SNX24: variants seen among roughly 807,000 people sequenced by gnomAD.
The protein encoded by SNX24 is sorting nexin-24.
A neutral mutation model predicts 28.7 loss-of-function variants in SNX24; 22 were observed. The ratio of observed to expected loss-of-function variants is 0.77; its 90% CI spans 0.55 to 1.10. SNX24 has a LOEUF of 1.10. Among genes scored for constraint, SNX24 ranks in the 50% least tolerant of loss-of-function variants. SNX24 has a pLI of 0.00. For synonymous variants in SNX24, 69 were observed against 71.5 expected, an observed-to-expected ratio of 0.96 and a Z score of 0.18; for missense variants, 221 against 201.1, an observed-to-expected ratio of 1.10 and a Z score of -0.60.
intron 5 of SNX24, among the ~76,000 whole-genome samples, chr5:123,020,042 T>A (rs1762740553): frequency 6.6e-6 from 1 of 152,206 alleles, no homozygotes; most frequent in Non-Finnish European, 1.5e-5. Flanking sequence ...TTTTGCCTTG[T>A]TACTAGAGAG....
intron 5 of SNX24, among the ~76,000 whole-genome samples, chr5:123,014,457 T>C (rs1762647426): frequency 6.7e-6 from 1 of 150,024 alleles, no homozygotes; most frequent in South Asian, 2.1e-4. Flanking sequence ...GCTGGGATTA[T>C]AGTTGTGCGG....
chr5:122,957,278 T>C (rs1760254651), intron 3 of SNX24, among the ~76,000 whole-genome samples: 1 of 152,218 alleles, frequency 6.6e-6, no homozygotes, highest in Non-Finnish European at 1.5e-5. Flanking sequence ...AGATTATCTT[T>C]ACCCATTTGA....
chr5:122,985,383 C>T (rs574212995), intron 3 of SNX24, among the ~76,000 whole-genome samples: 11 of 152,256 alleles, frequency 7.2e-5, no homozygotes, highest in African/African-American at 1.7e-4. Context: ...TCTCAACTCT[C>T]CTGCCCAAAA....
intron 3 of SNX24, among the ~76,000 whole-genome samples, chr5:122,980,514 C>G (rs995225735): frequency 6.6e-6 from 1 of 151,954 alleles, no homozygotes; most frequent in East Asian, 1.9e-4. Context: ...TTACTTTCTT[C>G]TATAACAAAA....
chr5:122,855,842 C>T (rs1179994442), intron 1 of SNX24, among the ~76,000 whole-genome samples: 3 of 152,052 alleles, frequency 2.0e-5, no homozygotes, highest in Admixed American at 6.6e-5. Context: ...ATTAATTTAC[C>T]TAATTTCAAT....
At chr5:122,934,086 G>A (rs1314841990) in intron 1 of SNX24, among the ~76,000 whole-genome samples, 1 of 151,974 alleles carries the variant, frequency 6.6e-6, no homozygotes, top group Non-Finnish European at 1.5e-5. Context: ...CTGAATCCCA[G>A]AGCCTAGAAC....
At chr5:122,889,431 A>G (rs544082767) in intron 1 of SNX24, among the ~76,000 whole-genome samples, 1 of 151,976 alleles carries the variant, frequency 6.6e-6, no homozygotes, top group Non-Finnish European at 1.5e-5. Flanking sequence ...TTGTGTACCA[A>G]CATGAGGCTC....
chr5:122,927,446 C>A (rs2150108782), intron 1 of SNX24, among the ~76,000 whole-genome samples: 1 of 152,146 alleles, frequency 6.6e-6, no homozygotes, highest in East Asian at 1.9e-4. Context: ...GAGTTTTAAA[C>A]CATCTGAAAA....
intron 3 of SNX24, 101 bp downstream of exon 3, chr5:122,946,260 G>C (rs1377992929): frequency 1.7e-6 from 1 of 582,008 alleles, no homozygotes; most frequent in Admixed American, 3.5e-5. Flanking sequence ...ATGTTAAGCA[G>C]CCAAAGATTC....
chr5:122,863,137 G>A (rs572250048), intron 1 of SNX24, among the ~76,000 whole-genome samples: 2 of 152,030 alleles, frequency 1.3e-5, no homozygotes, highest in Non-Finnish European at 2.9e-5. Flanking sequence ...ATTAAATATA[G>A]TATCTTAGAT....
At chr5:122,899,192 C>T (rs535169486) in intron 1 of SNX24, among the ~76,000 whole-genome samples, 15 of 152,226 alleles carry the variant, frequency 9.9e-5, no homozygotes, top group African/African-American at 2.6e-4. Flanking sequence ...CACCTGGCTG[C>T]GAGTCGTGGT....
At chr5:122,951,625 T>A (rs1351165101) in intron 3 of SNX24, among the ~76,000 whole-genome samples, 3 of 152,146 alleles carry the variant, frequency 2.0e-5, no homozygotes, top group Admixed American at 2.0e-4. Flanking sequence ...GAAATGAAAG[T>A]ACAGAAACTT....
chr5:122,999,198 G>A lies in SNX24; in HGVS notation c.250-714G>A, dbSNP rs146104106. On this transcript the variant is annotated intron_variant, in intron 3 of 6. Coordinates refer to ENST00000261369, the MANE Select transcript of SNX24 (RefSeq NM_014035.4). ...ATCTGGATCTCTGATTACTGACATG[G>A]TTATGCCATCATGCCAGCTATGTAG... Among the ~76,000 whole-genome samples the A allele has an allele frequency of 3.0e-3, 450 of 152,170 alleles. 1 individual carries two copies. The highest frequency in any genetic ancestry group is 5.0e-3 in the Non-Finnish European group (337 of 68,010).
intron 3 of SNX24, among the ~76,000 whole-genome samples, chr5:122,977,062 A>AGACC (rs1187716406): frequency 6.6e-6 from 1 of 152,158 alleles, no homozygotes; most frequent in Non-Finnish European, 1.5e-5. Context: ...AGACAGGCAT[A>AGACC]GACCATACAC....
At chr5:122,997,080 T>C (rs1407121020) in intron 3 of SNX24, among the ~76,000 whole-genome samples, 2 of 152,230 alleles carry the variant, frequency 1.3e-5, no homozygotes, top group Non-Finnish European at 2.9e-5. Context: ...AAAGATTTAA[T>C]TCCTCTTTTG....
chr5:122,899,322 A>C, intron 1 of SNX24, among the ~76,000 whole-genome samples: 1 of 152,234 alleles, frequency 6.6e-6, no homozygotes, highest in South Asian at 2.1e-4. Flanking sequence ...GTCTTCAGCT[A>C]TTATGGAGTC....
chr5:122,860,434 A>G (rs2150041215), intron 1 of SNX24, among the ~76,000 whole-genome samples: 1 of 152,286 alleles, frequency 6.6e-6, no homozygotes, highest in East Asian at 1.9e-4. Flanking sequence ...CCTAGCTCAT[A>G]GGCTGTGTTT....
intron 3 of SNX24, among the ~76,000 whole-genome samples, chr5:122,975,972 C>T (rs80298788): frequency 2.6e-4 from 40 of 152,164 alleles, no homozygotes; most frequent in African/African-American, 9.4e-4. Flanking sequence ...ATAATTTGGC[C>T]GTGCTGTATG....
chr5:122,905,570 G>A (rs1757612942), intron 1 of SNX24, among the ~76,000 whole-genome samples: 1 of 152,156 alleles, frequency 6.6e-6, no homozygotes, highest in Admixed American at 6.5e-5. Flanking sequence ...TCAAATTTCG[G>A]ATGCTCAACC....
Sources: allele counts gnomAD v4.1 joint callset (sites outside exome capture counted in the v4.1 genomes callset), GRCh38; gene constraint gnomAD v4.1.1; transcripts MANE v1.5; gene names NCBI Gene and HGNC (gene_info 2026-07-23, HGNC 2026-07-21).